Variants in ACYP2 observed in about 807,000 individuals in gnomAD.
ACYP2 encodes the protein acylphosphatase-2.
ACYP2 carries 12 observed loss-of-function variants against 11.2 expected under a neutral mutation model. That is an observed-to-expected ratio of 1.08 (90% CI 0.69 to 1.74). ACYP2 has a LOEUF of 1.74. ACYP2 is among the 40% of genes most tolerant of loss of function. The pLI is 0.00. For missense variants in ACYP2, 134 were observed against 101.9 expected, an observed-to-expected ratio of 1.31 and a Z score of -1.35; for synonymous variants, 43 against 32.2, an observed-to-expected ratio of 1.33 and a Z score of -1.13.
intron 2 of ACYP2, among the ~76,000 whole-genome samples, chr2:54,049,796 C>G (rs1344968079): frequency 1.3e-5 from 2 of 152,222 alleles, no homozygotes; most frequent in Non-Finnish European, 2.9e-5. Flanking sequence ...TTCAGATTGG[C>G]TCCACATCCC....
intron 4 of ACYP2, among the ~76,000 whole-genome samples, chr2:54,074,008 T>C (rs576173653): frequency 2.6e-4 from 40 of 152,300 alleles, no homozygotes; most frequent in Non-Finnish European, 5.4e-4. Flanking sequence ...AGTTGCCATA[T>C]GACTCAGCAA....
At chr2:53,994,647 T>C (rs543957852) in intron 2 of ACYP2, among the ~76,000 whole-genome samples, 9 of 152,238 alleles carry the variant, frequency 5.9e-5, no homozygotes, top group Admixed American at 2.0e-4. Flanking sequence ...AAGGAAAATC[T>C]TGTGTTGAGT....
chr2:54,115,472 G>A (rs908314110), intron 4 of ACYP2, 143 bp from the exon 1 acceptor site: 2 of 1,213,476 alleles, frequency 1.6e-6, no homozygotes, highest in Admixed American at 3.0e-5. Context: ...AGGATGCCTG[G>A]GGCCCAGCGG....
chr2:54,201,698 CTTT>C (rs1364436921), intron 6 of ACYP2, among the ~76,000 whole-genome samples: 1 of 138,680 alleles, frequency 7.2e-6, no homozygotes, highest in African/African-American at 2.8e-5. Context: ...CTCTCTCTCT[CTTT>C]TTTCTTTTCT....
chr2:54,090,182 T>C (rs1393068427), intron 4 of ACYP2, among the ~76,000 whole-genome samples: 1 of 151,838 alleles, frequency 6.6e-6, no homozygotes, highest in African/African-American at 2.4e-5. Flanking sequence ...TTCTTCACTG[T>C]CTAATAACTT....
chr2:54,027,837 C>CTTTTTTTTTTTTTTTTTTTTTTTTTT, intron 2 of ACYP2, among the ~76,000 whole-genome samples: 1 of 97,892 alleles, frequency 1.0e-5, no homozygotes, highest in Non-Finnish European at 1.9e-5. Context: ...TTCTTTCTTT[C>CTTTTTTTTTTTTTTTTTTTTTTTTTT]TTTTTTTTTT....
chr2:53,991,109 T>G (rs1350022042), intron 2 of ACYP2, among the ~76,000 whole-genome samples: 1 of 152,190 alleles, frequency 6.6e-6, no homozygotes, highest in Non-Finnish European at 1.5e-5. Flanking sequence ...AATTTGTGTT[T>G]CTAACAAGCT....
At chr2:54,268,843 T>C (rs1385627326) in intron 6 of ACYP2, among the ~76,000 whole-genome samples, 1 of 152,092 alleles carries the variant, frequency 6.6e-6, no homozygotes, top group Non-Finnish European at 1.5e-5. Flanking sequence ...TTTCTTTTTT[T>C]TCCTTAATAG....
chr2:54,014,159 C>A (rs1673552459), intron 2 of ACYP2, among the ~76,000 whole-genome samples: 1 of 150,196 alleles, frequency 6.7e-6, no homozygotes, highest in African/African-American at 2.5e-5. Context: ...AAAACTCCGT[C>A]TGAAAAAAAA....
intron 2 of ACYP2, among the ~76,000 whole-genome samples, chr2:54,033,394 G>T (rs79096871): frequency 6.6e-6 from 1 of 150,848 alleles, no homozygotes; most frequent in African/African-American, 2.4e-5. Context: ...TTTTTTTTTG[G>T]TAGAGACAGG....
rs534033978 is a variant in ACYP2 at position 54,172,959 on chromosome 2, G to A, written c.404+34211G>A. The stretch of plus-strand genomic sequence containing the variant: ...TCCACTCTATCATTGATGGACATTT[G>A]GGTTGGTTCTAAGTCTTTGCTATTG... On this transcript the variant is annotated intron_variant, in intron 6 of 6. Transcript: ENST00000607452. Among the ~76,000 whole-genome samples the A allele has an allele frequency of 2.6e-5, 4 of 152,298 alleles. No individual in the cohort carries two copies. The East Asian group carries it at 7.7e-4, about 29-fold the overall frequency.
At chr2:54,165,860 G>T (rs912558385) in intron 6 of ACYP2, among the ~76,000 whole-genome samples, 7 of 152,112 alleles carry the variant, frequency 4.6e-5, no homozygotes, top group Admixed American at 4.6e-4. Flanking sequence ...TTAAATCAAT[G>T]ATTACCGGCC....
chr2:54,291,499 C>G (rs1689302840), intron 6 of ACYP2, among the ~76,000 whole-genome samples: 1 of 152,218 alleles, frequency 6.6e-6, no homozygotes, highest in African/African-American at 2.4e-5. Context: ...ATTCCAAACT[C>G]CTTCTGGGGT....
intron 6 of ACYP2, among the ~76,000 whole-genome samples, chr2:54,240,423 C>T (rs1686682967): frequency 6.6e-6 from 1 of 152,148 alleles, no homozygotes. Context: ...AAAAAAATAG[C>T]ACATCAGACC....
intron 2 of ACYP2, among the ~76,000 whole-genome samples, chr2:53,974,409 G>A (rs983001491): frequency 3.9e-5 from 6 of 152,146 alleles, no homozygotes; most frequent in Non-Finnish European, 1.5e-5. Flanking sequence ...GTTTGGTACT[G>A]GAAGTTGGAG....
chr2:53,993,380 G>T (rs1553349834), intron 2 of ACYP2, among the ~76,000 whole-genome samples: 1 of 150,586 alleles, frequency 6.6e-6, no homozygotes, highest in Non-Finnish European at 1.5e-5. Flanking sequence ...CTGGAAGGAA[G>T]AAAAAAAAAG....
At chr2:54,109,840 T>A (rs1679364628) in intron 4 of ACYP2, among the ~76,000 whole-genome samples, 1 of 152,196 alleles carries the variant, frequency 6.6e-6, no homozygotes, top group Non-Finnish European at 1.5e-5. Flanking sequence ...TTGTTAATGA[T>A]AAATGGTATA....
At position 54,172,187 on chromosome 2, in the gene ACYP2, C is replaced by T. The variant is rs538373821; in HGVS notation, c.404+33439C>T. Among the ~76,000 whole-genome samples, 112 of 152,194 alleles carry T rather than the reference C, an allele frequency of 7.4e-4. No individual in the cohort carries two copies. The Middle Eastern group carries it at 0.01, about 14-fold the overall frequency. ...GAGCTATAATTGTGCCACTGCACTTCAACCTGGGTAACAGAGCGAGACCCT... is the reference window on the plus strand; with the variant it reads ...GAGCTATAATTGTGCCACTGCACTTTAACCTGGGTAACAGAGCGAGACCCT... On this transcript the variant is annotated intron_variant, in intron 6 of 6. Transcript: ENST00000607452.
chr2:54,070,732 ATTTTTT>A (rs11368576), intron 4 of ACYP2, among the ~76,000 whole-genome samples: 1 of 137,150 alleles, frequency 7.3e-6, no homozygotes. Context: ...AAGCTATTCC[ATTTTTT>A]TTTTTTTTTT....
Sources: gnomAD v4.1 joint callset for allele counts (sites outside exome capture counted in the v4.1 genomes callset) on GRCh38, gnomAD v4.1.1 for gene constraint, MANE v1.5 for transcripts, NCBI Gene and HGNC (gene_info 2026-07-23, HGNC 2026-07-21) for gene names.